CUL3: variants seen among roughly 807,000 people sequenced by gnomAD.
The protein encoded by CUL3 is cullin-3.
A neutral mutation model predicts 89.1 loss-of-function variants in CUL3; 19 were observed. That is an observed-to-expected ratio of 0.21 (90% CI 0.15 to 0.31). CUL3 has a LOEUF of 0.31. Among genes scored for constraint, CUL3 ranks in the 10% least tolerant of loss-of-function variants. The pLI, the probability that CUL3 is intolerant of heterozygous loss-of-function variation, is 1.00. For synonymous variants in CUL3, 351 were observed against 308.4 expected (o/e 1.14, Z -1.45); for missense variants, 469 against 942.3 (o/e 0.50, Z 6.58).
chr2:224,472,923 A>G lies in CUL3; in HGVS notation c.*1322T>C. ...TAGTAACATTTCATTTTTCTATCCA[A>G]CAGAAATCTATAGTGGTTTGCCCCA... On this transcript the variant is annotated 3_prime_UTR_variant, in exon 16 of 16. Coordinates refer to ENST00000264414, the MANE Select transcript of CUL3 (RefSeq NM_003590.5). 1 of 211,928 alleles carries G rather than the reference A, an allele frequency of 4.7e-6. No homozygotes were observed. Among genetic ancestry groups the G allele is most frequent in the Non-Finnish European group, 9.6e-6 (1 of 104,238 alleles). 13.1% of individuals were successfully genotyped at this position (211,928 alleles called of 1,614,324 possible). A position where few individuals can be genotyped will look rare whatever the true frequency, so the allele number is the denominator to read the frequency against.
At chr2:224,521,228 GTTATT>G (rs970742421) in intron 3 of CUL3, among the ~76,000 whole-genome samples, 5 of 152,074 alleles carry the variant, frequency 3.3e-5, no homozygotes, top group African/African-American at 1.2e-4. Flanking sequence ...CTTAAAAATT[GTTATT>G]TTATCATTCC....
intron 1 of CUL3, among the ~76,000 whole-genome samples, chr2:224,575,550 G>A (rs977974807): frequency 2.0e-5 from 3 of 152,190 alleles, no homozygotes; most frequent in African/African-American, 7.2e-5. Flanking sequence ...ATTAACGTGA[G>A]AAGGAACCAA....
rs1352426792 is a variant in CUL3 at position 224,485,586 on chromosome 2, C to T, written c.1843-3508G>A. On this transcript the variant is annotated intron_variant, in intron 13 of 15. Transcript: ENST00000264414. The surrounding 1 kb of genome is among the most constrained non-coding windows in gnomAD (Gnocchi z 4.1). ...TTCCTCTTGACTGGGCAGGGCATCT[C>T]GGAAAGAAAGGCAGCAGCCTGAGTC... Among the ~76,000 whole-genome samples the T allele has an allele frequency of 3.3e-5, 5 of 152,168 alleles. No homozygotes were observed. The highest frequency in any genetic ancestry group is 7.2e-5 in the African/African-American group (3 of 41,440).
chr2:224,553,749 A>T (rs1694602511), intron 2 of CUL3, among the ~76,000 whole-genome samples: 1 of 152,282 alleles, frequency 6.6e-6, no homozygotes, highest in South Asian at 2.1e-4. Context: ...GTGGTTGTCT[A>T]TAGACCAGGA....
At chr2:224,502,891 T>A in intron 10 of CUL3, 74 bp downstream of exon 10, 1 of 1,004,504 alleles carries the variant, frequency 1.0e-6, no homozygotes, top group Non-Finnish European at 1.6e-6. Flanking sequence ...TGTCATCTGC[T>A]AAGTGGATGA....
At chr2:224,552,143 C>T (rs1445979703) in intron 2 of CUL3, among the ~76,000 whole-genome samples, 2 of 152,120 alleles carry the variant, frequency 1.3e-5, no homozygotes, top group Non-Finnish European at 2.9e-5. Flanking sequence ...TACAGGATAC[C>T]TTTGACACTT....
chr2:224,511,232 A>G (rs1692814345), intron 6 of CUL3, 122 bp downstream of exon 6: 1 of 647,438 alleles, frequency 1.5e-6, no homozygotes, highest in South Asian at 2.3e-5. Flanking sequence ...ATGGAGACAA[A>G]TTAACAATAC....
chr2:224,575,152 T>C (rs768586825), intron 1 of CUL3, among the ~76,000 whole-genome samples: 2 of 152,248 alleles, frequency 1.3e-5, no homozygotes, highest in African/African-American at 2.4e-5. Context: ...CCTAATTACA[T>C]TCCTTTTCAC....
chr2:224,482,234 A>G (rs1691562287), intron 13 of CUL3, among the ~76,000 whole-genome samples, 156 bp from the exon 14 acceptor site: 1 of 152,152 alleles, frequency 6.6e-6, no homozygotes, highest in Non-Finnish European at 1.5e-5. Context: ...ACACATCATT[A>G]AAATCTCATT....
At chr2:224,507,344 T>C (rs780694897) in intron 6 of CUL3, among the ~76,000 whole-genome samples, 3 of 152,166 alleles carry the variant, frequency 2.0e-5, no homozygotes, top group Non-Finnish European at 4.4e-5. Context: ...AGTTCATAAA[T>C]ACTTTATCCT....
chr2:224,571,520 CAT>C (rs1308835669), intron 1 of CUL3, among the ~76,000 whole-genome samples: 3 of 152,110 alleles, frequency 2.0e-5, no homozygotes, highest in Non-Finnish European at 2.9e-5. Context: ...ACCGAACTGC[CAT>C]AGTTTGCTCT....
rs1030633384 is a variant in CUL3 at position 224,488,063 on chromosome 2, C to T, written c.1843-5985G>A. Reference sequence around the variant, plus strand: ...TTTGAAACCAATGAGAACTAAGACACGACGTACCAGAATCTCTGGGACACG... The same window carrying T: ...TTTGAAACCAATGAGAACTAAGACATGACGTACCAGAATCTCTGGGACACG... On this transcript the variant is annotated intron_variant, in intron 13 of 15. Transcript: ENST00000264414. 4.6e-5 allele frequency among the ~76,000 whole-genome samples: 7 copies of T among 152,112 alleles called. No individual in the cohort carries two copies. In the South Asian group the frequency reaches 6.2e-4, roughly 14 times the overall value.
intron 3 of CUL3, among the ~76,000 whole-genome samples, chr2:224,518,628 G>A (rs544675731): frequency 2.0e-4 from 30 of 152,258 alleles, no homozygotes; most frequent in African/African-American, 6.7e-4. Flanking sequence ...ATATGATCCT[G>A]GCTCTACTGT....
At chr2:224,556,060 A>G (rs1010718976) in intron 2 of CUL3, among the ~76,000 whole-genome samples, 4 of 152,202 alleles carry the variant, frequency 2.6e-5, no homozygotes, top group Non-Finnish European at 5.9e-5. Flanking sequence ...ACCTTGCTTC[A>G]TAAGATACTA....
At position 224,555,953 on chromosome 2, in the gene CUL3, A is replaced by ATAG. The variant is rs936673374; in HGVS notation, c.264+1703_264+1705dup. On this transcript the variant is annotated intron_variant, in intron 2 of 15. Transcript: ENST00000264414. ...ATCACAATAAAAACCCCAGGAAAGG[A>ATAG]TAGTATCTTATCTCTTTGCATCCAC... 2.8e-4 allele frequency among the ~76,000 whole-genome samples: 42 copies of ATAG among 152,320 alleles called. 1 individual carries two copies. Among genetic ancestry groups the ATAG allele is most frequent in the Admixed American group, 3.3e-4 (5 of 15,296 alleles).
intron 1 of CUL3, among the ~76,000 whole-genome samples, chr2:224,575,243 T>C (rs555167848): frequency 6.6e-6 from 1 of 152,278 alleles, no homozygotes; most frequent in South Asian, 2.1e-4. Flanking sequence ...TGATTAAAGT[T>C]TGGAATAGCT....
At chr2:224,559,853 G>A (rs1217431569) in intron 1 of CUL3, among the ~76,000 whole-genome samples, 5 of 152,154 alleles carry the variant, frequency 3.3e-5, no homozygotes, top group Admixed American at 6.5e-5. Context: ...AAGTCAAAGC[G>A]GGAGGATCAC....
intron 2 of CUL3, among the ~76,000 whole-genome samples, chr2:224,553,969 TGC>T (rs1694610119): frequency 1.3e-5 from 2 of 152,216 alleles, no homozygotes; most frequent in South Asian, 4.1e-4. Flanking sequence ...ATGGAGTGAC[TGC>T]TCACGTAACT....
At chr2:224,487,885 G>A (rs1246853731) in intron 13 of CUL3, among the ~76,000 whole-genome samples, 1 of 152,054 alleles carries the variant, frequency 6.6e-6, no homozygotes, top group African/African-American at 2.4e-5. Flanking sequence ...AATGGAAATC[G>A]TAACAAACAG....
Sources: allele counts gnomAD v4.1 joint callset (sites outside exome capture counted in the v4.1 genomes callset), GRCh38; gene constraint gnomAD v4.1.1; non-coding constraint Gnocchi (gnomAD v3.1); transcripts MANE v1.5; gene names NCBI Gene and HGNC (gene_info 2026-07-23, HGNC 2026-07-21).